The following ANKH variants were observed in gnomAD, a reference collection of about 807,000 sequenced individuals.
ANKH encodes mineralization regulator ANKH.
In ANKH, 15 loss-of-function variants were observed where a neutral mutation model predicts 49.0. That is an observed-to-expected ratio of 0.31 (90% confidence interval 0.20 to 0.47). The LOEUF is 0.47. ANKH is among the 20% of genes least tolerant of loss of function. The pLI is 1.00. For synonymous variants in ANKH, 273 were observed against 260.0 expected, an observed-to-expected ratio of 1.05 and a Z score of -0.48; for missense variants, 429 against 652.0, an observed-to-expected ratio of 0.66 and a Z score of 3.72.
chr5:14,788,487 A>C (rs1241329820), intron 1 of ANKH, among the ~76,000 whole-genome samples: 1 of 152,246 alleles, frequency 6.6e-6, no homozygotes, highest in Non-Finnish European at 1.5e-5. Flanking sequence ...TACATTGTTC[A>C]TGAAAGAGCA....
At chr5:14,839,714 G>T (rs112089142) in intron 1 of ANKH, among the ~76,000 whole-genome samples, 1 of 152,162 alleles carries the variant, frequency 6.6e-6, no homozygotes, top group Non-Finnish European at 1.5e-5. Flanking sequence ...AAAACAGAAT[G>T]AAAGTCCTAA....
intron 1 of ANKH, among the ~76,000 whole-genome samples, chr5:14,814,637 A>G (rs1177420640): frequency 6.6e-6 from 1 of 152,090 alleles, no homozygotes; most frequent in Non-Finnish European, 1.5e-5. Context: ...AACTAAATGG[A>G]CCCGGAGTGG....
In ANKH at chr5:14,755,899, G is replaced by A; in HGVS notation, c.478C>T (p.Leu160=). The A allele has an allele frequency of 6.2e-7, 1 of 1,614,086 alleles. No individual in the cohort carries two copies. The highest frequency in any genetic ancestry group is 8.5e-7 in the Non-Finnish European group (1 of 1,179,954). Residue 160 remains leucine (L), a synonymous_variant, in exon 4 of 12, where the codon CTG becomes TTG. Coordinates refer to ENST00000284268, the MANE Select transcript of ANKH (RefSeq NM_054027.6). ...GILLKHKYSF[L]VGCASISDVI... ...TCTGAGATTGAGGCACATCCCACCA[G>A]GAAACTGTATTTGTGTTTTAAGAGA...
At chr5:14,813,483 CA>C (rs371081857) in intron 1 of ANKH, among the ~76,000 whole-genome samples, 44 of 143,670 alleles carry the variant, frequency 3.1e-4, no homozygotes, top group African/African-American at 6.1e-4. Flanking sequence ...AGAAGAGTCA[CA>C]AAAAAAAAAG....
At chr5:14,867,848 T>A (rs367719203) in intron 1 of ANKH, among the ~76,000 whole-genome samples, 2 of 152,382 alleles carry the variant, frequency 1.3e-5, no homozygotes, top group African/African-American at 4.8e-5. Context: ...ATGGTGCCTA[T>A]GTTTAATATT....
Position 14,746,978 on chromosome 5 carries a change from C to T in ANKH, c.823-1016G>A, listed in dbSNP as rs7735290. 4.1e-3 allele frequency among the ~76,000 whole-genome samples: 627 copies of T among 152,300 alleles called. 4 individuals carry two copies. The highest frequency in any genetic ancestry group is 0.014 in the African/African-American group (593 of 41,560). The stretch of plus-strand genomic sequence containing the variant: ...CAGAATCCTTGCTCATTCCATTGAG[C>T]CACACAGAACCCTCTAGTCTAGCTC... On this transcript the variant is annotated intron_variant, in intron 6 of 11. Transcript: ENST00000284268.
intron 1 of ANKH, among the ~76,000 whole-genome samples, chr5:14,861,529 T>G (rs1049763677): frequency 6.6e-6 from 1 of 152,162 alleles, no homozygotes; most frequent in African/African-American, 2.4e-5. Context: ...CACTGGCATA[T>G]TTCTGCCTGG....
rs1158115627 is a variant in ANKH at position 14,727,033 on chromosome 5, C to T, written c.1012-10198G>A. ...TCACAGGAGGGATGATGATGATGAC[C>T]ATCACAGGCAGTGGGGACACGGGAA... On this transcript the variant is annotated intron_variant, in intron 8 of 11. Transcript: ENST00000284268. Among the ~76,000 whole-genome samples the T allele has an allele frequency of 3.3e-5, 5 of 152,274 alleles. No homozygotes were observed. In the East Asian group the frequency reaches 9.7e-4, roughly 29 times the overall value.
At chr5:14,714,755 A>C (rs1737380526) in intron 9 of ANKH, among the ~76,000 whole-genome samples, 1 of 152,092 alleles carries the variant, frequency 6.6e-6, no homozygotes, top group Admixed American at 6.5e-5. Flanking sequence ...GATTGCAAAG[A>C]GTGGCAGGGC....
chr5:14,712,785 C>T, intron 11 of ANKH, 89 bp downstream of exon 11: 2 of 1,336,392 alleles, frequency 1.5e-6, no homozygotes, highest in Non-Finnish European at 1.0e-6. Context: ...CTGACGAACG[C>T]CACCATCCAA....
In ANKH at chr5:14,725,998, T is replaced by A. The variant is rs1737811788; in HGVS notation, c.1012-9163A>T. Among the ~76,000 whole-genome samples, 1 of 152,218 alleles carries A rather than the reference T, an allele frequency of 6.6e-6. No homozygotes were observed. On this transcript the variant is annotated intron_variant, in intron 8 of 11. Transcript: ENST00000284268. This position sits in a 1 kb window ranked among gnomAD's most constrained non-coding sequence, Gnocchi z 4.0. ...AGACCCCTGTAGATGTCTTCACGGA[T>A]ATCATCAAACTTCAAATGTGATTGG...
chr5:14,863,748 A>G (rs1211406550), intron 1 of ANKH, among the ~76,000 whole-genome samples: 1 of 152,100 alleles, frequency 6.6e-6, no homozygotes, highest in Non-Finnish European at 1.5e-5. Context: ...TACTCACACA[A>G]GACAGTAAAG....
At chr5:14,746,250 G>C (rs1738536825) in intron 6 of ANKH, among the ~76,000 whole-genome samples, 1 of 151,912 alleles carries the variant, frequency 6.6e-6, no homozygotes, top group Non-Finnish European at 1.5e-5. Context: ...CAGATCCAAT[G>C]AGAAACAGGT....
At chr5:14,826,227 G>A (rs1741339368) in intron 1 of ANKH, among the ~76,000 whole-genome samples, 1 of 152,158 alleles carries the variant, frequency 6.6e-6, no homozygotes, top group Admixed American at 6.5e-5. Flanking sequence ...AAACCACCCA[G>A]CTCATGACAA....
chr5:14,775,440 T>C (rs1488041262), intron 1 of ANKH, among the ~76,000 whole-genome samples: 2 of 152,186 alleles, frequency 1.3e-5, no homozygotes, highest in African/African-American at 4.8e-5. Context: ...TATGTCAATG[T>C]GGTCTCTCTC....
At chr5:14,810,840 C>A (rs530562549) in intron 1 of ANKH, among the ~76,000 whole-genome samples, 3 of 152,158 alleles carry the variant, frequency 2.0e-5, no homozygotes, top group African/African-American at 4.8e-5. Context: ...TCAAACCTTA[C>A]GAATCATTGT....
intron 1 of ANKH, chr5:14,798,201 A>G (rs1481691761): frequency 6.3e-7 from 1 of 1,590,232 alleles, no homozygotes; most frequent in African/African-American, 1.3e-5. Flanking sequence ...TGTCCCCAGG[A>G]CAAGTCGATG....
intron 2 of ANKH, among the ~76,000 whole-genome samples, chr5:14,762,423 G>GT (rs907528380): frequency 1.4e-5 from 1 of 70,166 alleles, no homozygotes; most frequent in African/African-American, 4.1e-5. Context: ...AGCTCCCTTG[G>GT]TTTCAGAGTA....
chr5:14,800,246 G>A (rs188815185), intron 1 of ANKH, among the ~76,000 whole-genome samples: 4 of 152,350 alleles, frequency 2.6e-5, no homozygotes, highest in African/African-American at 9.6e-5. Context: ...TAAAGTGTTT[G>A]AGATGAAATC....
Sources: allele counts gnomAD v4.1 joint callset (sites outside exome capture counted in the v4.1 genomes callset), GRCh38; gene constraint gnomAD v4.1.1; non-coding constraint Gnocchi (gnomAD v3.1); transcripts MANE v1.5; gene names NCBI Gene and HGNC (gene_info 2026-07-23, HGNC 2026-07-21).